The following UBE2Q2 variants were observed in gnomAD, a reference collection of about 807,000 sequenced individuals.
UBE2Q2 encodes the protein ubiquitin conjugating enzyme E2 Q2.
In UBE2Q2, 54 loss-of-function variants were observed where a neutral mutation model predicts 59.9. The observed-to-expected ratio is 0.90, with a 90% CI of 0.72 to 1.13. The LOEUF (loss-of-function observed/expected upper bound fraction) is 1.13. UBE2Q2 is among the 50% of genes most tolerant of loss of function. UBE2Q2 has a pLI of 0.00. For synonymous variants in UBE2Q2, 165 were observed against 155.2 expected (o/e 1.06, Z -0.47); for missense variants, 433 against 441.9 (o/e 0.98, Z 0.18).
intron 2 of UBE2Q2, 110 bp from the exon 3 acceptor site, chr15:75,859,768 G>A: frequency 4.4e-6 from 3 of 688,420 alleles, no homozygotes; most frequent in Non-Finnish European, 6.9e-6. Context: ...CAGTTGAGCA[G>A]TAACAAACTT....
At chr15:75,881,756 G>C (rs1185275345) in intron 8 of UBE2Q2, among the ~76,000 whole-genome samples, 1 of 152,174 alleles carries the variant, frequency 6.6e-6, no homozygotes, top group Non-Finnish European at 1.5e-5. Flanking sequence ...GATGGGAGTT[G>C]GGGCAGGAGG....
chr15:75,881,439 G>A (rs2441932), intron 8 of UBE2Q2, among the ~76,000 whole-genome samples: 147,275 of 152,170 alleles, frequency 0.97, 71,445 homozygotes, highest in East Asian at 1. Context: ...CTGAATTTCT[G>A]TTGGATTTGT....
At chr15:75,887,868 G>C (rs8027221) in intron 9 of UBE2Q2, among the ~76,000 whole-genome samples, 4,032 of 152,230 alleles carry the variant, frequency 0.026, 205 homozygotes, top group African/African-American at 0.092. Context: ...AAAATGGCTT[G>C]CTCTTCATAG....
At chr15:75,892,825 A>G (rs1037337514) in intron 11 of UBE2Q2, among the ~76,000 whole-genome samples, 1 of 152,234 alleles carries the variant, frequency 6.6e-6, no homozygotes, top group African/African-American at 2.4e-5. Context: ...GCACTGAGGC[A>G]TGTTTGCGCA....
intron 3 of UBE2Q2, among the ~76,000 whole-genome samples, chr15:75,865,553 A>G (rs375822830): frequency 1.3e-5 from 2 of 151,944 alleles, no homozygotes; most frequent in East Asian, 3.8e-4. Context: ...ATGAGGATCA[A>G]TTTCTTCTTT....
chr15:75,868,581 A>T (rs1199824596), intron 3 of UBE2Q2, among the ~76,000 whole-genome samples: 2 of 152,218 alleles, frequency 1.3e-5, no homozygotes, highest in Non-Finnish European at 2.9e-5. Context: ...AGGAATCGGT[A>T]GTTTGGGAGA....
intron 9 of UBE2Q2, among the ~76,000 whole-genome samples, chr15:75,889,069 C>A (rs1214744521): frequency 1.3e-5 from 2 of 152,194 alleles, no homozygotes; most frequent in Non-Finnish European, 2.9e-5. Context: ...GTACCTGGAT[C>A]TTCTAATTCT....
intron 9 of UBE2Q2, among the ~76,000 whole-genome samples, chr15:75,883,732 AG>A (rs1898589070): frequency 6.6e-6 from 1 of 152,046 alleles, no homozygotes; most frequent in Non-Finnish European, 1.5e-5. Flanking sequence ...TTCCAGGTGA[AG>A]TTGATGCTGT....
rs767103823 is a variant in UBE2Q2, at chr15:75,899,506, C to A, written c.*48C>A. ...GGACTAATGTTGCTTTAAAGAAAAT[C>A]TTTCTAACATGCAGACAAAAGCTTT... On this transcript the variant is annotated 3_prime_UTR_variant, in exon 13 of 13. Transcript: ENST00000267938. 3.3e-6 allele frequency: 5 copies of A among 1,527,018 alleles called. No homozygotes were observed. Among genetic ancestry groups the A allele is most frequent in the Admixed American group, 1.8e-5 (1 of 55,062 alleles). The allele number at this position is 1,527,018 out of a possible 1,614,324, so 94.6% of individuals were successfully genotyped here. A position where few individuals can be genotyped will look rare whatever the true frequency, so the allele number is the denominator to read the frequency against.
intron 3 of UBE2Q2, among the ~76,000 whole-genome samples, chr15:75,866,346 T>C (rs1169439249): frequency 6.6e-6 from 1 of 151,976 alleles, no homozygotes; most frequent in Non-Finnish European, 1.5e-5. Flanking sequence ...ATGGCTACTT[T>C]TTAAAATTTT....
intron 5 of UBE2Q2, among the ~76,000 whole-genome samples, chr15:75,875,671 C>T (rs959189319): frequency 4.6e-5 from 7 of 152,172 alleles, no homozygotes; most frequent in South Asian, 2.1e-4. Context: ...GACTTTTTCA[C>T]ATGAGAAGAA....
At position 75,879,147 on chromosome 15, in the gene UBE2Q2, AAAG is replaced by A; in HGVS notation, c.788_790del (p.Glu263del). Reference sequence around the variant, plus strand: ...CAGTGATCTTCAGATCTTAAAAGAAAAAGAAGGCATAGAATATATTTTGCTTAA... The same window carrying A: ...CAGTGATCTTCAGATCTTAAAAGAAAAAGGCATAGAATATATTTTGCTTAA... On this transcript the variant is annotated inframe_deletion, in exon 8 of 13. Coordinates refer to ENST00000267938, the MANE Select transcript of UBE2Q2 (RefSeq NM_173469.4). 2 of 1,603,438 alleles carry A rather than the reference AAAG, an allele frequency of 1.2e-6. No homozygotes were observed. The highest frequency in any genetic ancestry group is 1.7e-6 in the Non-Finnish European group (2 of 1,175,368).
At chr15:75,878,747 AC>A (rs753337876) in intron 7 of UBE2Q2, among the ~76,000 whole-genome samples, 1 of 151,886 alleles carries the variant, frequency 6.6e-6, no homozygotes, top group Non-Finnish European at 1.5e-5. Context: ...TTCTCCTTGA[AC>A]CCTTTGGCTA....
chr15:75,859,136 GCTTA>G (rs1407638617), intron 2 of UBE2Q2, among the ~76,000 whole-genome samples: 3 of 152,146 alleles, frequency 2.0e-5, no homozygotes, highest in Admixed American at 2.0e-4. Flanking sequence ...GATTTACCTT[GCTTA>G]CTTGTTGAAA....
intron 1 of UBE2Q2, among the ~76,000 whole-genome samples, chr15:75,847,744 A>G (rs1275881558): frequency 6.6e-6 from 1 of 151,992 alleles, no homozygotes; most frequent in Non-Finnish European, 1.5e-5. Flanking sequence ...TACTCCTTTT[A>G]TGGACTTTTT....
chr15:75,883,482 TATAGGGACGAGATCTCACTATG>T, intron 9 of UBE2Q2, 58 bp downstream of exon 9: 1 of 1,377,998 alleles, frequency 7.3e-7, no homozygotes, highest in Admixed American at 1.8e-5. Flanking sequence ...AATTTTTTTT[TATAGGGACGAGATCTCACTATG>T]TTGCCCTGGC....
At chr15:75,865,216 T>TA (rs1228441771) in intron 3 of UBE2Q2, among the ~76,000 whole-genome samples, 2 of 152,274 alleles carry the variant, frequency 1.3e-5, no homozygotes, top group Non-Finnish European at 2.9e-5. Flanking sequence ...TCTCTAGTGT[T>TA]ACCACTTATG....
chr15:75,885,645 GT>G (rs1898721005), intron 9 of UBE2Q2, among the ~76,000 whole-genome samples: 2 of 152,180 alleles, frequency 1.3e-5, no homozygotes, highest in Admixed American at 1.3e-4. Flanking sequence ...ATTCCCATGT[GT>G]TTTCTGCTGC....
Position 75,883,358 on chromosome 15 carries a change from C to T in UBE2Q2, c.826-8C>T. On this transcript the variant is annotated splice_region_variant and splice_polypyrimidine_tract_variant and intron_variant, in intron 8 of 12. Transcript: ENST00000267938. The stretch of plus-strand genomic sequence containing the variant: ...TAAATTAATTAAACTTGCTTATTTG[C>T]TTTTTAGGATAACTTTCCATTTGAT... The T allele has an allele frequency of 6.2e-7, 1 of 1,611,474 alleles. No homozygotes were observed. The highest frequency in any genetic ancestry group is 8.5e-7 in the Non-Finnish European group (1 of 1,178,258).
Sources: allele counts gnomAD v4.1 joint callset (sites outside exome capture counted in the v4.1 genomes callset), GRCh38; gene constraint gnomAD v4.1.1; transcripts MANE v1.5; gene names NCBI Gene and HGNC (gene_info 2026-07-23, HGNC 2026-07-21).